Variants in ERGIC2 observed in about 807,000 individuals in gnomAD.
ERGIC2 encodes the protein ERGIC and golgi 2.
Under a neutral mutation model 52.5 loss-of-function variants are expected in ERGIC2, and 31 were observed. That is an observed-to-expected ratio of 0.59 (90% confidence interval 0.44 to 0.80). The LOEUF is 0.80. Ranked by LOEUF, ERGIC2 falls within the 30% of genes least tolerant of loss-of-function variation. The pLI is 0.00. For synonymous variants in ERGIC2, 129 were observed against 140.6 expected (o/e 0.92, Z 0.58); for missense variants, 395 against 455.2 (o/e 0.87, Z 1.20).
chr12:29,358,759 A>T (rs571838574), intron 6 of ERGIC2, among the ~76,000 whole-genome samples: 1 of 152,268 alleles, frequency 6.6e-6, no homozygotes, highest in South Asian at 2.1e-4. Context: ...TGTGAATCTC[A>T]TAATACTTTA....
rs1424272322 is a variant in ERGIC2 at position 29,349,086 on chromosome 12, A to G, written c.720T>C (p.Ala240=). The change falls in exon 10 of 14, where the codon GCT becomes GCC. Residue 240 remains alanine, a synonymous_variant. Transcript: ENST00000360150. ...TAATTATTAAATACTTACGATCTAT[A>G]GCAATTTTTTCAGTTCCATCTAAAG... The part of the protein sequence containing the change: ...INPLDGTEKI[A]IDHNQMFQYF... 2 of 1,501,024 alleles carry G rather than the reference A, an allele frequency of 1.3e-6. No homozygotes were observed. Among genetic ancestry groups the G allele is most frequent in the South Asian group, 1.2e-5 (1 of 80,920 alleles). 93.0% of individuals were successfully genotyped at this position (1,501,024 alleles called of 1,614,324 possible).
At chr12:29,360,914 A>C (rs994536128) in intron 6 of ERGIC2, among the ~76,000 whole-genome samples, 20 of 152,000 alleles carry the variant, frequency 1.3e-4, no homozygotes, top group Non-Finnish European at 1.9e-4. Flanking sequence ...TAAAAAAAAA[A>C]GAAAATCACA....
chr12:29,342,132 C>T (rs1414669965), intron 12 of ERGIC2, among the ~76,000 whole-genome samples: 29 of 152,144 alleles, frequency 1.9e-4, no homozygotes, highest in Non-Finnish European at 2.6e-4. Flanking sequence ...GTGCTTCAGC[C>T]TCCCAATTAG....
chr12:29,375,122 T>C (rs1940497588), intron 1 of ERGIC2, among the ~76,000 whole-genome samples: 1 of 152,132 alleles, frequency 6.6e-6, no homozygotes, highest in Non-Finnish European at 1.5e-5. Flanking sequence ...ACCGCATCTC[T>C]ACATTTGACT....
intron 8 of ERGIC2, among the ~76,000 whole-genome samples, chr12:29,352,053 T>C (rs189669692): frequency 3.9e-5 from 6 of 152,226 alleles, no homozygotes; most frequent in Admixed American, 3.9e-4. Flanking sequence ...CCATATTTCT[T>C]TTTTTTAACA....
intron 3 of ERGIC2, among the ~76,000 whole-genome samples, chr12:29,369,298 T>G (rs1257226543): frequency 6.6e-6 from 1 of 151,864 alleles, no homozygotes; most frequent in African/African-American, 2.4e-5. Flanking sequence ...CAACAACAAA[T>G]TCTTTGAAAA....
intron 1 of ERGIC2, among the ~76,000 whole-genome samples, chr12:29,377,063 C>G (rs950978060): frequency 6.6e-6 from 1 of 152,122 alleles, no homozygotes; most frequent in African/African-American, 2.4e-5. Flanking sequence ...TTTTCCCTGT[C>G]CACACGGCCC....
At chr12:29,365,767 G>A (rs1940353264) in intron 5 of ERGIC2, among the ~76,000 whole-genome samples, 2 of 151,396 alleles carry the variant, frequency 1.3e-5, no homozygotes, top group East Asian at 3.9e-4. Context: ...TAATCACTTA[G>A]ATCAAAATGA....
chr12:29,367,210 G>A (rs927518557), intron 4 of ERGIC2, among the ~76,000 whole-genome samples: 18 of 146,836 alleles, frequency 1.2e-4, no homozygotes, highest in Non-Finnish European at 2.1e-4. Flanking sequence ...AAAAAAAAAA[G>A]ATAATTCAAG....
intron 1 of ERGIC2, among the ~76,000 whole-genome samples, chr12:29,372,065 C>T (rs1940448310): frequency 6.6e-6 from 1 of 152,108 alleles, no homozygotes. Context: ...ATAGGCCAGG[C>T]ACGGTCGCTC....
intron 6 of ERGIC2, among the ~76,000 whole-genome samples, chr12:29,358,132 G>A (rs1189856694): frequency 9.9e-5 from 15 of 152,148 alleles, no homozygotes. Flanking sequence ...TGGACTTGAT[G>A]GACTTGAAAT....
intron 3 of ERGIC2, among the ~76,000 whole-genome samples, chr12:29,369,825 A>T (rs1027174341): frequency 2.6e-5 from 4 of 151,978 alleles, no homozygotes. Context: ...ACCAGTTTCA[A>T]ATATTAAACA....
intron 3 of ERGIC2, 118 bp from the exon 4 acceptor site, chr12:29,368,405 G>A: frequency 1.7e-6 from 1 of 588,170 alleles, no homozygotes; most frequent in Non-Finnish European, 3.1e-6. Flanking sequence ...ATGTCGATTA[G>A]AACTTGAATT....
chr12:29,377,049 GC>G (rs1262096673), intron 1 of ERGIC2, among the ~76,000 whole-genome samples: 1 of 151,998 alleles, frequency 6.6e-6, no homozygotes, highest in African/African-American at 2.4e-5. Context: ...TTTATACCCA[GC>G]CCTTTTCCCT....
intron 4 of ERGIC2, among the ~76,000 whole-genome samples, chr12:29,367,396 C>T (rs941912878): frequency 2.0e-5 from 3 of 151,488 alleles, no homozygotes; most frequent in African/African-American, 7.3e-5. Context: ...AAATTTTATT[C>T]GGAAAAGGCT....
intron 6 of ERGIC2, among the ~76,000 whole-genome samples, chr12:29,359,798 A>G (rs1940258501): frequency 6.6e-6 from 1 of 152,042 alleles, no homozygotes; most frequent in African/African-American, 2.4e-5. Flanking sequence ...TTTTTGGAAT[A>G]ATCTTAAACT....
intron 6 of ERGIC2, among the ~76,000 whole-genome samples, chr12:29,361,011 C>T (rs1189642376): frequency 1.3e-5 from 2 of 152,270 alleles, no homozygotes; most frequent in South Asian, 4.1e-4. Flanking sequence ...CTCTGGGAGG[C>T]CAACATGGGC....
At chr12:29,363,272 C>G (rs1940311218) in intron 5 of ERGIC2, among the ~76,000 whole-genome samples, 1 of 152,092 alleles carries the variant, frequency 6.6e-6, no homozygotes, top group African/African-American at 2.4e-5. Context: ...AGAATAGTAA[C>G]TATCATAGCA....
At chr12:29,344,800 A>G (rs947643129) in intron 11 of ERGIC2, among the ~76,000 whole-genome samples, 48 of 152,210 alleles carry the variant, frequency 3.2e-4, no homozygotes, top group Non-Finnish European at 8.8e-5. Flanking sequence ...TTCTGGATAC[A>G]AGTGTTTGAA....
Sources: allele counts gnomAD v4.1 joint callset (sites outside exome capture counted in the v4.1 genomes callset), GRCh38; gene constraint gnomAD v4.1.1; transcripts MANE v1.5; gene names NCBI Gene and HGNC (gene_info 2026-07-23, HGNC 2026-07-21).